CES5A: variants seen among roughly 807,000 people sequenced by gnomAD.
CES5A encodes carboxylesterase 5.
In CES5A, 67 loss-of-function variants were observed where a neutral mutation model predicts 62.9. That is an observed-to-expected ratio of 1.07 (90% confidence interval 0.88 to 1.31). The LOEUF is 1.31. Among genes scored for constraint, CES5A ranks in the 50% most tolerant of loss-of-function variants. The pLI, the probability that CES5A is intolerant of heterozygous loss-of-function variation, is 0.00. For missense variants in CES5A, 748 were observed against 708.5 expected, an observed-to-expected ratio of 1.06 and a Z score of -0.63; for synonymous variants, 296 against 280.8, an observed-to-expected ratio of 1.05 and a Z score of -0.54.
At chr16:55,872,453 G>A (rs1220828353) in intron 2 of CES5A, among the ~76,000 whole-genome samples, 2 of 152,112 alleles carry the variant, frequency 1.3e-5, no homozygotes, top group Non-Finnish European at 2.9e-5. Context: ...GAGGTTGTGC[G>A]TGTGCATTAT....
chr16:55,886,213 T>C (rs2033813845), intron 1 of CES5A, among the ~76,000 whole-genome samples: 1 of 152,198 alleles, frequency 6.6e-6, no homozygotes, highest in African/African-American at 2.4e-5. Context: ...GCAATATACT[T>C]GGTTGCCACT....
intron 1 of CES5A, among the ~76,000 whole-genome samples, chr16:55,890,473 A>G (rs1214403724): frequency 2.0e-5 from 3 of 152,162 alleles, no homozygotes; most frequent in African/African-American, 7.2e-5. Context: ...AAAATCTTGC[A>G]GGAACTCTTC....
intron 1 of CES5A, among the ~76,000 whole-genome samples, chr16:55,893,626 G>A (rs182358984): frequency 1.3e-4 from 20 of 152,062 alleles, no homozygotes; most frequent in Middle Eastern, 3.4e-3. Context: ...AGACAAAGTC[G>A]AAAATAATTA....
At chr16:55,858,510 G>A (rs751253054) in intron 8 of CES5A, among the ~76,000 whole-genome samples, 16 of 152,156 alleles carry the variant, frequency 1.1e-4, no homozygotes, top group Non-Finnish European at 1.9e-4. Context: ...CATGAACTGC[G>A]ATTCAGTGGC....
In CES5A at chr16:55,857,147, T is replaced by C. The variant is rs540775277; in HGVS notation, c.1057-702A>G. ...CCACAGTGGGAGGTCAGGCAGTGGCTGAAAACACAGGCTCCCTGAGCTGCC... is the reference window on the plus strand; with the variant it reads ...CCACAGTGGGAGGTCAGGCAGTGGCCGAAAACACAGGCTCCCTGAGCTGCC... On this transcript the variant is annotated intron_variant, in intron 8 of 12. Coordinates refer to ENST00000290567, the MANE Select transcript of CES5A (RefSeq NM_001143685.2). 1.4e-4 allele frequency among the ~76,000 whole-genome samples: 21 copies of C among 152,264 alleles called. No homozygotes were observed. In the South Asian group the frequency reaches 4.4e-3, roughly 32 times the overall value.
At chr16:55,848,961 C>G (rs1405863445) in intron 11 of CES5A, among the ~76,000 whole-genome samples, 4 of 152,144 alleles carry the variant, frequency 2.6e-5, no homozygotes, top group Admixed American at 6.5e-5. Flanking sequence ...CAAATACACT[C>G]TATATGGAAC....
chr16:55,885,783 A>C (rs1179210776), intron 1 of CES5A, among the ~76,000 whole-genome samples: 1 of 152,204 alleles, frequency 6.6e-6, no homozygotes, highest in Non-Finnish European at 1.5e-5. Context: ...CCATAGTTGG[A>C]AGCCCGCAAA....
At chr16:55,876,147 C>A (rs2033690304), upstream of CES5A, among the ~76,000 whole-genome samples, 1 of 152,234 alleles carries the variant, frequency 6.6e-6, no homozygotes, top group Non-Finnish European at 1.5e-5. Context: ...TGTACATATT[C>A]ATCACAGCTT....
At chr16:55,869,491 G>T (rs1225815997) in intron 4 of CES5A, 120 bp downstream of exon 4, 1 of 1,378,476 alleles carries the variant, frequency 7.3e-7, no homozygotes, top group Non-Finnish European at 9.5e-7. Flanking sequence ...AAGTAATTAG[G>T]GCCAGTTTTG....
chr16:55,936,134 T>A (rs193105226), intron 2 of CES5A, among the ~76,000 whole-genome samples: 2 of 152,288 alleles, frequency 1.3e-5, no homozygotes, highest in Non-Finnish European at 2.9e-5. Flanking sequence ...GGATCCTCTG[T>A]CACCTCCAAT....
At chr16:55,853,271 C>T (rs2033168085) in intron 9 of CES5A, among the ~76,000 whole-genome samples, 2 of 152,242 alleles carry the variant, frequency 1.3e-5, no homozygotes, top group Non-Finnish European at 2.9e-5. Flanking sequence ...AGTCTATTTG[C>T]ATCCAAATCC....
At chr16:55,869,195 A>G (rs559555402) in intron 4 of CES5A, among the ~76,000 whole-genome samples, 8 of 152,180 alleles carry the variant, frequency 5.3e-5, no homozygotes, top group Non-Finnish European at 5.9e-5. Flanking sequence ...GCCAATGGCG[A>G]GTGAACAGAA....
chr16:55,892,706 TAAC>T (rs1164246246), intron 1 of CES5A, among the ~76,000 whole-genome samples: 1 of 140,344 alleles, frequency 7.1e-6, no homozygotes, highest in East Asian at 2.0e-4. Flanking sequence ...GCTCACACTC[TAAC>T]AACAACAACA....
intron 1 of CES5A, among the ~76,000 whole-genome samples, chr16:55,899,331 A>G: frequency 6.6e-6 from 1 of 152,148 alleles, no homozygotes; most frequent in East Asian, 1.9e-4. Context: ...AGGTTTCCAA[A>G]TGAGAATGGC....
intron 1 of CES5A, among the ~76,000 whole-genome samples, chr16:55,892,246 C>T (rs781501298): frequency 1.3e-5 from 2 of 152,098 alleles, no homozygotes; most frequent in Admixed American, 6.6e-5. Context: ...AGCCTGGAAG[C>T]CCCCACACAC....
chr16:55,860,761 A>C (rs1290698475), intron 7 of CES5A, among the ~76,000 whole-genome samples: 4 of 152,200 alleles, frequency 2.6e-5, no homozygotes, highest in African/African-American at 9.7e-5. Context: ...CTTATTATCC[A>C]TTTCACTGAG....
chr16:55,865,395 TAA>T (rs796688971), intron 5 of CES5A, among the ~76,000 whole-genome samples: 3 of 152,284 alleles, frequency 2.0e-5, no homozygotes, highest in African/African-American at 7.2e-5. Flanking sequence ...CCAAATGCGC[TAA>T]AGTCAGACTG....
chr16:55,846,674 T>C lies in CES5A; in HGVS notation c.1505A>G (p.Asn502Ser), dbSNP rs766133418. 16 of 1,613,840 alleles carry C rather than the reference T, an allele frequency of 9.9e-6. No individual in the cohort carries two copies. The highest frequency in any genetic ancestry group is 1.3e-5 in the Non-Finnish European group (15 of 1,179,944). Residue 502 changes from asparagine to serine, a missense_variant, in exon 13 of 13, where the codon AAT (asparagine) becomes AGT (serine). By Grantham distance (46) the Asn-to-Ser change is conservative (BLOSUM62 1). Transcript: ENST00000290567. ...TGGCCACAGAGACAGGTCGTTCCCA[T>C]TAGGATTCCTAGAAGGGAGAGCAGA... ...WATFARTGNP[N>S]GNDLSLWPAY...
At chr16:55,932,298 C>A (rs2034322067) in intron 2 of CES5A, among the ~76,000 whole-genome samples, 1 of 152,118 alleles carries the variant, frequency 6.6e-6, no homozygotes, top group South Asian at 2.1e-4. Flanking sequence ...AACTTCCCAA[C>A]CTCCAAAACT....
Sources: allele counts gnomAD v4.1 joint callset (sites outside exome capture counted in the v4.1 genomes callset), GRCh38; gene constraint gnomAD v4.1.1; transcripts MANE v1.5; gene names NCBI Gene and HGNC (gene_info 2026-07-23, HGNC 2026-07-21).